ADAMTSL1: variants seen among roughly 807,000 people sequenced by gnomAD.
ADAMTSL1 encodes the protein ADAMTS-like protein 1.
ADAMTSL1 carries 126 observed loss-of-function variants against 201.8 expected under a neutral mutation model. That is an observed-to-expected ratio of 0.62 (90% CI 0.54 to 0.72). The LOEUF is 0.72. Among genes scored for constraint, ADAMTSL1 ranks in the 30% least tolerant of loss-of-function variants. The pLI, the probability that ADAMTSL1 is intolerant of heterozygous loss-of-function variation, is 0.00. For missense variants in ADAMTSL1, 2,679 were observed against 2,277.8 expected (o/e 1.18, Z -3.59); for synonymous variants, 1,121 against 903.4 (o/e 1.24, Z -4.32).
At chr9:17,946,433 C>A (rs943324730) in intron 1 of ADAMTSL1, among the ~76,000 whole-genome samples, 11 of 152,050 alleles carry the variant, frequency 7.2e-5, no homozygotes, top group Non-Finnish European at 1.6e-4. Flanking sequence ...ATTTCACCCC[C>A]CAGTGAACTT....
intron 19 of ADAMTSL1, among the ~76,000 whole-genome samples, chr9:18,794,589 C>A (rs1165407605): frequency 1.3e-5 from 2 of 151,858 alleles, no homozygotes; most frequent in Admixed American, 6.6e-5. Flanking sequence ...CTTCTACCTG[C>A]AAACCTGAAC....
intron 2 of ADAMTSL1, among the ~76,000 whole-genome samples, chr9:18,245,192 G>A (rs1382552007): frequency 1.3e-5 from 2 of 152,046 alleles, no homozygotes; most frequent in Admixed American, 1.3e-4. Context: ...CAGCAGCGCT[G>A]TCCAATGGAA....
At chr9:18,841,335 A>AC (rs1825702628) in intron 23 of ADAMTSL1, among the ~76,000 whole-genome samples, 1 of 152,106 alleles carries the variant, frequency 6.6e-6, no homozygotes, top group Non-Finnish European at 1.5e-5. Flanking sequence ...ATGCTGGATT[A>AC]CATTTATTGA....
chr9:18,705,754 A>C (rs1316507333), intron 13 of ADAMTSL1, among the ~76,000 whole-genome samples: 1 of 152,246 alleles, frequency 6.6e-6, no homozygotes, highest in African/African-American at 2.4e-5. Flanking sequence ...AAATCTCGGG[A>C]AGCATATTGA....
chr9:18,525,645 C>G (rs1295913680), intron 2 of ADAMTSL1, among the ~76,000 whole-genome samples: 1 of 152,108 alleles, frequency 6.6e-6, no homozygotes, highest in Non-Finnish European at 1.5e-5. Context: ...TATGTTGTGT[C>G]TTTGTTCTCA....
intron 16 of ADAMTSL1, 33 bp downstream of exon 16, chr9:18,753,541 T>C (rs1316773236): frequency 6.3e-7 from 1 of 1,584,326 alleles, no homozygotes. Flanking sequence ...ATTGGAGCTT[T>C]TGTTTGCAAC....
intron 2 of ADAMTSL1, among the ~76,000 whole-genome samples, chr9:18,237,849 A>C (rs1830909727): frequency 6.6e-6 from 1 of 152,238 alleles, no homozygotes; most frequent in Admixed American, 6.5e-5. Context: ...CCTGTGGTTA[A>C]GACAAAACAA....
intron 1 of ADAMTSL1, among the ~76,000 whole-genome samples, chr9:18,153,468 C>G (rs556176524): frequency 6.6e-6 from 1 of 151,968 alleles, no homozygotes; most frequent in South Asian, 2.1e-4. Context: ...AATTCTGTAC[C>G]AGGCACTGCT....
intron 7 of ADAMTSL1, among the ~76,000 whole-genome samples, chr9:18,642,630 A>G (rs890791265): frequency 1.1e-4 from 16 of 151,882 alleles, no homozygotes; most frequent in African/African-American, 3.9e-4. Flanking sequence ...CTGTGTTTCT[A>G]TTAGGTCAAT....
chr9:18,385,318 T>C (rs954167632), intron 2 of ADAMTSL1, among the ~76,000 whole-genome samples: 1 of 152,120 alleles, frequency 6.6e-6, no homozygotes, highest in African/African-American at 2.4e-5. Flanking sequence ...CTCCAAGATC[T>C]AGTGTTGCCA....
intron 4 of ADAMTSL1, among the ~76,000 whole-genome samples, chr9:18,592,991 T>G (rs1269462258): frequency 6.6e-6 from 1 of 152,172 alleles, no homozygotes; most frequent in Non-Finnish European, 1.5e-5. Flanking sequence ...GTAAATGAGA[T>G]TACTTTCTTG....
intron 2 of ADAMTSL1, among the ~76,000 whole-genome samples, chr9:18,253,076 C>G (rs929302212): frequency 6.6e-6 from 1 of 152,178 alleles, no homozygotes; most frequent in African/African-American, 2.4e-5. Context: ...ACATTTATGT[C>G]TGTCCATTTG....
intron 2 of ADAMTSL1, among the ~76,000 whole-genome samples, chr9:18,450,379 A>G (rs184936268): frequency 6.6e-6 from 1 of 152,284 alleles, no homozygotes; most frequent in East Asian, 1.9e-4. Context: ...TGATGTTTTT[A>G]AAAAAACACA....
chr9:18,324,096 T>A lies in ADAMTSL1; in HGVS notation c.207+160115T>A, dbSNP rs552902697. On this transcript the variant is annotated intron_variant, in intron 2 of 29. Coordinates refer to the ADAMTSL1 transcript ENST00000680146. ...TCAAAACTTAAGGTAATAAAGGCAG[T>A]GTGATATTATACTGAGAAGAGACAA... Among the ~76,000 whole-genome samples the A allele has an allele frequency of 5.9e-5, 9 of 152,260 alleles. No individual in the cohort carries two copies. In the East Asian group the frequency reaches 1.5e-3, roughly 26 times the overall value.
At chr9:18,324,870 A>G (rs2132872847) in intron 2 of ADAMTSL1, among the ~76,000 whole-genome samples, 1 of 152,322 alleles carries the variant, frequency 6.6e-6, no homozygotes, top group East Asian at 1.9e-4. Flanking sequence ...AAATATGTAC[A>G]ATACATATCT....
At chr9:18,580,067 A>G (rs1204640022) in intron 4 of ADAMTSL1, among the ~76,000 whole-genome samples, 2 of 152,356 alleles carry the variant, frequency 1.3e-5, no homozygotes, top group Non-Finnish European at 2.9e-5. Flanking sequence ...AAGTATGATT[A>G]TAAACAAGCC....
intron 2 of ADAMTSL1, among the ~76,000 whole-genome samples, chr9:18,371,567 T>C (rs1837044157): frequency 6.6e-6 from 1 of 152,230 alleles, no homozygotes; most frequent in Admixed American, 6.5e-5. Flanking sequence ...TTGTGATAGG[T>C]TTATGTATTT....
chr9:18,102,200 C>A (rs1416242132), intron 1 of ADAMTSL1, among the ~76,000 whole-genome samples: 2 of 152,300 alleles, frequency 1.3e-5, no homozygotes, highest in East Asian at 3.9e-4. Flanking sequence ...TCTTTTCATA[C>A]ATTCAAATTT....
At chr9:18,801,612 A>G (rs993343003) in intron 20 of ADAMTSL1, among the ~76,000 whole-genome samples, 1 of 152,180 alleles carries the variant, frequency 6.6e-6, no homozygotes, top group Non-Finnish European at 1.5e-5. Context: ...GTTCCCACTT[A>G]TAAGTGAGCA....
Sources: gnomAD v4.1 joint callset for allele counts (sites outside exome capture counted in the v4.1 genomes callset) on GRCh38, gnomAD v4.1.1 for gene constraint, MANE v1.5 for transcripts, NCBI Gene and HGNC (gene_info 2026-07-23, HGNC 2026-07-21) for gene names.